The following ITPKC variants were observed in gnomAD, a reference collection of about 807,000 sequenced individuals.
ITPKC encodes the protein inositol-trisphosphate 3-kinase C.
ITPKC carries 33 observed loss-of-function variants against 67.1 expected under a neutral mutation model. The ratio of observed to expected loss-of-function variants is 0.49; its 90% confidence interval spans 0.37 to 0.66. The LOEUF (loss-of-function observed/expected upper bound fraction) is 0.66. ITPKC is among the 30% of genes least tolerant of loss of function. The pLI is 0.00. For missense variants in ITPKC, 820 were observed against 892.1 expected (o/e 0.92, Z 1.03); for synonymous variants, 341 against 359.8 (o/e 0.95, Z 0.59).
Position 40,739,648 on chromosome 19 carries a change from G to A in ITPKC, c.*88G>A, listed in dbSNP as rs995644955. ...CCATGGGAGGCCTGAGGTTGGCCAC[G>A]GGGGAGCTGGCCTCCAGGGACGGGA... is the stretch of plus-strand genomic sequence containing the variant. On this transcript the variant is annotated 3_prime_UTR_variant, in exon 7 of 7. Transcript: ENST00000263370. The A allele has an allele frequency of 2.5e-6, 3 of 1,189,494 alleles. No homozygotes were observed. Among genetic ancestry groups the A allele is most frequent in the South Asian group, 1.4e-5 (1 of 71,234 alleles). The allele number at this position is 1,189,494 out of a possible 1,614,324, so 73.7% of individuals were successfully genotyped here. A position where few individuals can be genotyped will look rare whatever the true frequency, so the allele number is the denominator to read the frequency against.
intron 5 of ITPKC, 96 bp from the exon 6 acceptor site, chr19:40,737,602 C>A (rs2082300625): frequency 1.9e-6 from 2 of 1,075,192 alleles, no homozygotes; most frequent in South Asian, 2.5e-5. Context: ...TAGAGCCTGC[C>A]TGCTCCTTTG....
chr19:40,738,701 A>G (rs528109716), intron 6 of ITPKC, among the ~76,000 whole-genome samples: 10 of 152,340 alleles, frequency 6.6e-5, no homozygotes, highest in Non-Finnish European at 1.2e-4. Context: ...TGTATTTGCT[A>G]TGTACCAAGC....
intron 6 of ITPKC, 142 bp from the exon 7 acceptor site, chr19:40,739,215 C>T (rs117032961): frequency 0.023 from 14,043 of 623,952 alleles, 192 homozygotes; most frequent in Non-Finnish European, 0.028. Context: ...GCTGCACAGA[C>T]AGGAGGTGGC....
In ITPKC at chr19:40,740,772, G is replaced by C. The variant is rs575315093; in HGVS notation, c.*1212G>C. 2.6e-6 allele frequency: 1 copy of C among 392,064 alleles called. No homozygotes were observed. The highest frequency in any genetic ancestry group is 3.6e-5 in the East Asian group (1 of 27,714). The allele number at this position is 392,064 out of a possible 1,614,324, so 24.3% of individuals were successfully genotyped here. On this transcript the variant is annotated 3_prime_UTR_variant, in exon 7 of 7. Transcript: ENST00000263370. Reference sequence around the variant, plus strand: ...TTTATACGAGAGGCAGTTGCTGGACGGGGTAGTACTGGGAAGCAGGAGGCA... The same window carrying C: ...TTTATACGAGAGGCAGTTGCTGGACCGGGTAGTACTGGGAAGCAGGAGGCA...
chr19:40,737,306 G>A (rs909870743), intron 5 of ITPKC, among the ~76,000 whole-genome samples: 20 of 152,350 alleles, frequency 1.3e-4, no homozygotes, highest in South Asian at 4.1e-4. Flanking sequence ...CACGTCTCTC[G>A]ATAGCAGGAT....
Position 40,729,341 on chromosome 19 carries a change from G to T in ITPKC, c.1395G>T (p.Gln465His). ...ATGGCATGGTGCTGCAGGATGGCCA[G>T]ACCTTCAACCAGATGGAAGACCTCC... ...AYYGMVLQDG[Q>H]TFNQMEDLLA... Residue 465 changes from glutamine (Q) to histidine (H), a missense_variant, in exon 3 of 7, where the codon CAG becomes CAT. Coordinates refer to ENST00000263370, the MANE Select transcript of ITPKC (RefSeq NM_025194.3). The T allele has an allele frequency of 2.5e-6, 4 of 1,614,154 alleles. No individual in the cohort carries two copies. Among genetic ancestry groups the T allele is most frequent in the Non-Finnish European group, 3.4e-6 (4 of 1,180,016 alleles).
Position 40,739,348 on chromosome 19 carries a change from C to T in ITPKC, c.1849-9C>T, listed in dbSNP as rs772414138. 5 of 1,611,870 alleles carry T rather than the reference C, an allele frequency of 3.1e-6. No homozygotes were observed. In the East Asian group the frequency reaches 8.9e-5, roughly 29 times the overall value. Reference sequence around the variant, plus strand: ...CTCCTCCCTTAACCTCCCGTCTCTACCCCGGCAGGTGGTAGGCAGCTCCCT... The same window carrying T: ...CTCCTCCCTTAACCTCCCGTCTCTATCCCGGCAGGTGGTAGGCAGCTCCCT... On this transcript the variant is annotated splice_polypyrimidine_tract_variant and intron_variant, in intron 6 of 6. Coordinates refer to ENST00000263370, the MANE Select transcript of ITPKC (RefSeq NM_025194.3).
In ITPKC at chr19:40,739,593, C is replaced by T. The variant is rs372542875; in HGVS notation, c.*33C>T. 8.9e-5 allele frequency: 140 copies of T among 1,581,546 alleles called. No homozygotes were observed. The highest frequency in any genetic ancestry group is 9.6e-5 in the Non-Finnish European group (111 of 1,159,458). On this transcript the variant is annotated 3_prime_UTR_variant, in exon 7 of 7. Transcript: ENST00000263370. ...AGCCACCATCAGGTTAATTGGATGGCGCCAGTCTGGCTGGAGGAGCCCTGA... is the reference window on the plus strand; with the variant it reads ...AGCCACCATCAGGTTAATTGGATGGTGCCAGTCTGGCTGGAGGAGCCCTGA...
In ITPKC at chr19:40,718,006, A is replaced by G. The variant is rs370167259; in HGVS notation, c.871A>G (p.Thr291Ala). ...STDGSQTAPG[T>A]DCLLGEPEDG... is the part of the protein sequence containing the mutation. ...TGACGGTTCCCAGACAGCACCTGGGACAGACTGCCTCTTGGGAGAGCCTGA... is the reference window on the plus strand; with the variant it reads ...TGACGGTTCCCAGACAGCACCTGGGGCAGACTGCCTCTTGGGAGAGCCTGA... The change falls in exon 1 of 7, where the codon ACA becomes GCA. Residue 291 changes from threonine (T) to alanine (A), a missense_variant. Physicochemically the swap from Thr to Ala is moderately conservative, Grantham distance 58. Around this residue, in one of 2 missense-constraint regions of ITPKC, gnomAD observed 481 missense variants for 470.1 expected, o/e 1.02. Transcript: ENST00000263370. The G allele has an allele frequency of 2.4e-5, 39 of 1,614,036 alleles. No individual in the cohort carries two copies. In the African/African-American group the frequency reaches 4.4e-4, roughly 18 times the overall value.
chr19:40,726,995 T>C (rs186640052), intron 2 of ITPKC, among the ~76,000 whole-genome samples: 1 of 152,170 alleles, frequency 6.6e-6, no homozygotes. Context: ...TGAGCCTTGA[T>C]CGCACCACAG....
At chr19:40,729,557 G>A (rs2082261387) in intron 3 of ITPKC, 142 bp downstream of exon 3, 2 of 721,476 alleles carry the variant, frequency 2.8e-6, no homozygotes, top group Admixed American at 2.3e-5. Context: ...CCTGAGGTTG[G>A]GAGTTCCAAA....
At position 40,733,376 on chromosome 19, in the gene ITPKC, G is replaced by A. The variant is rs936602553; in HGVS notation, c.1674+12G>A. On this transcript the variant is annotated intron_variant, in intron 4 of 6. Coordinates refer to ENST00000263370, the MANE Select transcript of ITPKC (RefSeq NM_025194.3). ...TCGAGGGCATCAAGGTGAGGACCAGGAACCGCCTGGCCTGTCCCGGGAAGG... is the reference window on the plus strand; with the variant it reads ...TCGAGGGCATCAAGGTGAGGACCAGAAACCGCCTGGCCTGTCCCGGGAAGG... 1 of 1,597,242 alleles carries A rather than the reference G, an allele frequency of 6.3e-7. No individual in the cohort carries two copies.
At chr19:40,723,222 A>T (rs1294415691) in intron 1 of ITPKC, among the ~76,000 whole-genome samples, 1 of 152,004 alleles carries the variant, frequency 6.6e-6, no homozygotes, top group African/African-American at 2.4e-5. Flanking sequence ...CAGCCTCCCA[A>T]AGTGCTGGGA....
In ITPKC at chr19:40,739,408, G is replaced by A. The variant is rs141298994; in HGVS notation, c.1900G>A (p.Val634Ile). ...GCACGACCACACCGGCCTGGCCAAG[G>A]TCTGGATGATAGACTTCGGCAAGAC... ...FVHDHTGLAK[V>I]WMIDFGKTVA... The change falls in exon 7 of 7, where the codon GTC (valine) becomes ATC (isoleucine). Residue 634 changes from valine to isoleucine, a missense_variant. By Grantham distance (29) the Val-to-Ile change is conservative. Coordinates refer to ENST00000263370, the MANE Select transcript of ITPKC (RefSeq NM_025194.3). 1.3e-4 allele frequency: 215 copies of A among 1,613,758 alleles called. No homozygotes were observed. The highest frequency in any genetic ancestry group is 3.3e-4 in the Middle Eastern group (2 of 6,062).
intron 4 of ITPKC, among the ~76,000 whole-genome samples, chr19:40,736,387 G>A (rs2082294444): frequency 6.6e-6 from 1 of 152,156 alleles, no homozygotes; most frequent in Non-Finnish European, 1.5e-5. Flanking sequence ...GTTCAAGGTT[G>A]GAAGGGTGTG....
intron 2 of ITPKC, 140 bp downstream of exon 2, chr19:40,725,579 AGGCCTG>A: frequency 1.5e-6 from 1 of 674,724 alleles, no homozygotes; most frequent in Non-Finnish European, 2.7e-6. Flanking sequence ...GGCAGTGCTT[AGGCCTG>A]GGCCTGGCCC....
rs1288146440 is a variant in ITPKC, at chr19:40,740,594, T to C, written c.*1034T>C. The C allele has an allele frequency of 4.4e-6, 1 of 227,852 alleles. No homozygotes were observed. Among genetic ancestry groups the C allele is most frequent in the Non-Finnish European group, 8.6e-6 (1 of 116,698 alleles). The allele number at this position is 227,852 out of a possible 1,614,324, so 14.1% of individuals were successfully genotyped here. Reference sequence around the variant, plus strand: ...AGACTGTAGAACCCTGGGGTGTGGCTAACGGCCCCTCCAGCACCCATAGCC... The same window carrying C: ...AGACTGTAGAACCCTGGGGTGTGGCCAACGGCCCCTCCAGCACCCATAGCC... On this transcript the variant is annotated 3_prime_UTR_variant, in exon 7 of 7. Coordinates refer to ENST00000263370, the MANE Select transcript of ITPKC (RefSeq NM_025194.3).
chr19:40,720,237 G>A (rs1219273972), intron 1 of ITPKC, among the ~76,000 whole-genome samples: 2 of 151,878 alleles, frequency 1.3e-5, no homozygotes, highest in Non-Finnish European at 2.9e-5. Context: ...TGTGATGGCG[G>A]GCACCTGTAA....
At chr19:40,737,187 C>A in intron 5 of ITPKC, 100 bp downstream of exon 5, 1 of 813,774 alleles carries the variant, frequency 1.2e-6, no homozygotes, top group African/African-American at 1.7e-5. Context: ...TGGGGCTGGA[C>A]TGATACTGGC....
Sources: gnomAD v4.1 joint callset for allele counts (sites outside exome capture counted in the v4.1 genomes callset) on GRCh38, gnomAD v4.1.1 for gene constraint, gnomAD v4.1.1 regional missense constraint, MANE v1.5 for transcripts, NCBI Gene and HGNC (gene_info 2026-07-23, HGNC 2026-07-21) for gene names.